The following ZFHX3 variants were observed in gnomAD, a reference collection of about 807,000 sequenced individuals.
ZFHX3 encodes the protein zinc finger homeobox protein 3.
In ZFHX3, 42 loss-of-function variants were observed where a neutral mutation model predicts 279.1. The observed-to-expected ratio is 0.15, with a 90% confidence interval of 0.12 to 0.19. ZFHX3 has a LOEUF of 0.19. ZFHX3 is among the 10% of genes least tolerant of loss of function. The probability of loss-of-function intolerance (pLI) is 1.00; values close to 1 mark genes in which losing one functional copy is unlikely to be tolerated. For synonymous variants in ZFHX3, 2,293 were observed against 1,957.8 expected (o/e 1.17, Z -4.52); for missense variants, 4,981 against 4,754.0 (o/e 1.05, Z -1.40).
intron 2 of ZFHX3, among the ~76,000 whole-genome samples, chr16:73,469,863 G>C (rs556409231): frequency 1.3e-5 from 2 of 152,088 alleles, no homozygotes; most frequent in Non-Finnish European, 2.9e-5. Context: ...TGATGCACCC[G>C]CCTCAGCCTC....
At chr16:72,994,692 T>A (rs1963215508) in intron 1 of ZFHX3, among the ~76,000 whole-genome samples, 1 of 152,226 alleles carries the variant, frequency 6.6e-6, no homozygotes, top group Non-Finnish European at 1.5e-5. Flanking sequence ...TTAGGCTGCC[T>A]CCTAACACTT....
chr16:73,715,278 A>C (rs949601997), intron 1 of ZFHX3, among the ~76,000 whole-genome samples: 5 of 152,186 alleles, frequency 3.3e-5, no homozygotes, highest in African/African-American at 9.6e-5. Context: ...AGAGCATCAA[A>C]GTGAAGAGCA....
intron 5 of ZFHX3, among the ~76,000 whole-genome samples, chr16:73,187,828 C>A (rs1967947866): frequency 6.6e-6 from 1 of 152,180 alleles, no homozygotes; most frequent in Non-Finnish European, 1.5e-5. Flanking sequence ...ACCCACGTTG[C>A]ATAACAGAGC....
rs150917499 is a variant in ZFHX3, at chr16:72,934,799, C to G, written c.3216+15670G>C. 4.3e-3 allele frequency among the ~76,000 whole-genome samples: 657 copies of G among 152,268 alleles called. 10 individuals are homozygous for G. Among genetic ancestry groups the G allele is most frequent in the African/African-American group, 0.015 (635 of 41,544 alleles). ...CATTAGTGCAGTGGTTCTCAAACTG[C>G]AGCCGCACATCAGAATCCGACAGTA... On this transcript the variant is annotated intron_variant, in intron 3 of 9. Transcript: ENST00000268489.
In ZFHX3 at chr16:73,647,025, T is replaced by TC. The variant is rs369977352; in HGVS notation, c.-1547+33154_-1547+33155insG. ...TCGTTGTGCCAACCTTTTTTTTTTC[T>TC]TTTTTTTTTTTTGAGACGGAACTCT... On this transcript the variant is annotated intron_variant, in intron 2 of 17. Transcript: ENST00000641206. Among the ~76,000 whole-genome samples, 31 of 61,214 alleles carry TC rather than the reference T, an allele frequency of 5.1e-4. 1 individual carries two copies. Among genetic ancestry groups the TC allele is most frequent in the African/African-American group, 9.5e-4 (22 of 23,270 alleles). The allele number at this position is 61,214 out of a possible 152,430, so 40.2% of individuals were successfully genotyped here. A position where few individuals can be genotyped will look rare whatever the true frequency, so the allele number is the denominator to read the frequency against.
At chr16:73,041,216 C>T (rs1373906076) in intron 1 of ZFHX3, among the ~76,000 whole-genome samples, 1 of 152,184 alleles carries the variant, frequency 6.6e-6, no homozygotes, top group Non-Finnish European at 1.5e-5. Flanking sequence ...GGAGTCCGCA[C>T]CAGGATTTCC....
At chr16:73,211,844 A>G (rs923320245) in intron 5 of ZFHX3, among the ~76,000 whole-genome samples, 3 of 151,836 alleles carry the variant, frequency 2.0e-5, no homozygotes, top group Non-Finnish European at 4.4e-5. Flanking sequence ...AATGGCAGGG[A>G]GGGGGGTGGC....
chr16:73,330,076 C>A (rs963672173), intron 3 of ZFHX3, among the ~76,000 whole-genome samples: 5 of 152,110 alleles, frequency 3.3e-5, no homozygotes, highest in Non-Finnish European at 7.4e-5. Context: ...CTTTGACAAG[C>A]CCAGAGGAAT....
At chr16:73,462,597 T>C in intron 2 of ZFHX3, among the ~76,000 whole-genome samples, 1 of 152,320 alleles carries the variant, frequency 6.6e-6, no homozygotes, top group Non-Finnish European at 1.5e-5. Flanking sequence ...ATTTCTTTAT[T>C]TCTAAGAGTT....
chr16:73,706,791 C>G (rs776918728), intron 1 of ZFHX3, among the ~76,000 whole-genome samples: 1 of 152,088 alleles, frequency 6.6e-6, no homozygotes, highest in African/African-American at 2.4e-5. Context: ...TATCATCTTC[C>G]GTTCCCCCAC....
intron 4 of ZFHX3, among the ~76,000 whole-genome samples, chr16:73,291,678 C>T (rs1326508221): frequency 2.6e-5 from 4 of 152,168 alleles, no homozygotes; most frequent in Non-Finnish European, 5.9e-5. Context: ...TGTATTGCCC[C>T]TGAAGGAATA....
chr16:72,954,004 A>T (rs1452314918), intron 2 of ZFHX3, among the ~76,000 whole-genome samples: 1 of 152,230 alleles, frequency 6.6e-6, no homozygotes, highest in Non-Finnish European at 1.5e-5. Context: ...GAATCCTACA[A>T]ATCCGCTAAT....
intron 2 of ZFHX3, among the ~76,000 whole-genome samples, chr16:73,670,682 T>C (rs115635621): frequency 8.4e-4 from 128 of 152,270 alleles, no homozygotes; most frequent in African/African-American, 2.8e-3. Flanking sequence ...ACAAAACATA[T>C]GCACCAAATT....
At chr16:73,153,812 G>C (rs1356936745) in intron 5 of ZFHX3, among the ~76,000 whole-genome samples, 1 of 151,970 alleles carries the variant, frequency 6.6e-6, no homozygotes, top group Non-Finnish European at 1.5e-5. Context: ...ACTACACCCA[G>C]CTAATTTTTG....
Position 73,548,683 on chromosome 16 carries a change from T to A in ZFHX3, c.-1546-92425A>T, listed in dbSNP as rs183080251. Among the ~76,000 whole-genome samples, 94 of 152,178 alleles carry A rather than the reference T, an allele frequency of 6.2e-4. 1 individual carries two copies. Among genetic ancestry groups the A allele is most frequent in the Middle Eastern group, 6.8e-3 (2 of 294 alleles). ...AAATAACACACAGAAACATGGTATA[T>A]ACAACGTATTCACTCCACTAGAAGG... is the stretch of plus-strand genomic sequence containing the variant. On this transcript the variant is annotated intron_variant, in intron 2 of 17. Coordinates refer to the ZFHX3 transcript ENST00000641206.
chr16:73,051,304 C>T (rs538036697), upstream of ZFHX3, among the ~76,000 whole-genome samples: 66 of 152,264 alleles, frequency 4.3e-4, 1 homozygote, highest in Middle Eastern at 3.4e-3. Flanking sequence ...AAACAAGGAA[C>T]CATTTGGAGC....
At chr16:73,442,998 G>A (rs917736799) in intron 3 of ZFHX3, among the ~76,000 whole-genome samples, 1 of 152,128 alleles carries the variant, frequency 6.6e-6, no homozygotes, top group African/African-American at 2.4e-5. Flanking sequence ...GGACACCAGT[G>A]ATATTGGATT....
chr16:73,224,667 T>C (rs2012536227), intron 5 of ZFHX3, among the ~76,000 whole-genome samples: 1 of 152,226 alleles, frequency 6.6e-6, no homozygotes, highest in Non-Finnish European at 1.5e-5. Context: ...ATAGTAGCCA[T>C]GTAGAATTGT....
At chr16:73,450,616 G>T (rs1239807069) in intron 3 of ZFHX3, among the ~76,000 whole-genome samples, 1 of 152,138 alleles carries the variant, frequency 6.6e-6, no homozygotes, top group Non-Finnish European at 1.5e-5. Flanking sequence ...GTTTTCTTTA[G>T]AAGAGCTAGC....
Sources: allele counts gnomAD v4.1 joint callset (sites outside exome capture counted in the v4.1 genomes callset), GRCh38; gene constraint gnomAD v4.1.1; transcripts MANE v1.5; gene names NCBI Gene and HGNC (gene_info 2026-07-23, HGNC 2026-07-21).